The following ERC1 variants were observed in gnomAD, a reference collection of about 807,000 sequenced individuals.
ERC1 encodes RAB6 interacting protein 2.
In ERC1, 56 loss-of-function variants were observed where a neutral mutation model predicts 132.0. The observed-to-expected ratio is 0.42, with a 90% CI of 0.34 to 0.53. ERC1 has a LOEUF of 0.53. Among genes scored for constraint, ERC1 ranks in the 20% least tolerant of loss-of-function variants. ERC1 has a pLI of 0.03. For synonymous variants in ERC1, 478 were observed against 476.1 expected (o/e 1.00, Z -0.05); for missense variants, 1,202 against 1,349.9 (o/e 0.89, Z 1.72).
intron 2 of ERC1, among the ~76,000 whole-genome samples, chr12:1,076,731 A>G (rs1450934370): frequency 1.3e-5 from 2 of 152,206 alleles, no homozygotes; most frequent in Non-Finnish European, 2.9e-5. Flanking sequence ...AGGAAGAGGT[A>G]TAACTTCCCA....
intron 14 of ERC1, among the ~76,000 whole-genome samples, chr12:1,270,365 G>A (rs553608353): frequency 4.6e-5 from 7 of 151,982 alleles, no homozygotes; most frequent in African/African-American, 7.3e-5. Context: ...CCACCACCAC[G>A]CCTGGCTAAT....
In ERC1 at chr12:1,141,801, G is replaced by T. The variant is rs1593651502; in HGVS notation, c.1737+14G>T. 1 of 1,545,050 alleles carries T rather than the reference G, an allele frequency of 6.5e-7. No individual in the cohort carries two copies. Among genetic ancestry groups the T allele is most frequent in the East Asian group, 2.3e-5 (1 of 42,600 alleles). On this transcript the variant is annotated intron_variant, in intron 8 of 18. Transcript: ENST00000360905. ...CTTCAGAAGAAGGTAAGGTACAGGT[G>T]TTTCGAGTTCAGTGGCCCATTCCTC...
At chr12:1,144,334 G>A (rs773399163) in intron 8 of ERC1, among the ~76,000 whole-genome samples, 1 of 152,088 alleles carries the variant, frequency 6.6e-6, no homozygotes, top group African/African-American at 2.4e-5. Flanking sequence ...TGGTTTTTGA[G>A]ATGTTGGTGC....
intron 18 of ERC1, among the ~76,000 whole-genome samples, chr12:1,473,650 G>A (rs1592271139): frequency 1.4e-5 from 2 of 141,376 alleles, no homozygotes; most frequent in East Asian, 2.2e-4. Flanking sequence ...AAAAAAAAAA[G>A]GACAGGGAGG....
At chr12:1,068,338 G>A (rs1300755168) in intron 2 of ERC1, among the ~76,000 whole-genome samples, 2 of 149,586 alleles carry the variant, frequency 1.3e-5, no homozygotes, top group Non-Finnish European at 3.0e-5. Flanking sequence ...GTACACTAAG[G>A]TGCCAAAATT....
chr12:1,487,725 TAGAA>T (rs1241651529), intron 18 of ERC1, among the ~76,000 whole-genome samples: 4 of 127,742 alleles, frequency 3.1e-5, no homozygotes, highest in African/African-American at 9.1e-5. Context: ...CTCAAATTAA[TAGAA>T]AGAGAGAGAG....
At chr12:1,127,279 T>G (rs1306807435) in intron 7 of ERC1, among the ~76,000 whole-genome samples, 1 of 152,200 alleles carries the variant, frequency 6.6e-6, no homozygotes, top group Non-Finnish European at 1.5e-5. Context: ...ATCCCATTCC[T>G]TGGTATATTT....
At chr12:1,182,135 A>G (rs1954547999) in intron 10 of ERC1, 70 bp downstream of exon 10, 2 of 1,404,082 alleles carry the variant, frequency 1.4e-6, no homozygotes, top group African/African-American at 2.9e-5. Flanking sequence ...TGGTGTTTAC[A>G]TAATGCATAT....
In ERC1 at chr12:1,146,776, C is replaced by T. The variant is rs1249217343; in HGVS notation, c.1737+4989C>T. Among the ~76,000 whole-genome samples the T allele has an allele frequency of 1.6e-4, 11 of 66,678 alleles. No homozygotes were observed. In the East Asian group the frequency reaches 2.5e-3, roughly 15 times the overall value. The allele number at this position is 66,678 out of a possible 152,430, so 43.7% of individuals were successfully genotyped here. ...TCTCCTAATGCTATCCCTCCCCCAACCCCCACCCCACAACAGTCCCCGGAG... is the reference window on the plus strand; with the variant it reads ...TCTCCTAATGCTATCCCTCCCCCAATCCCCACCCCACAACAGTCCCCGGAG... On this transcript the variant is annotated intron_variant, in intron 8 of 18. Coordinates refer to ENST00000360905, the MANE Select transcript of ERC1 (RefSeq NM_178040.4).
intron 16 of ERC1, among the ~76,000 whole-genome samples, chr12:1,387,188 T>C (rs1353241622): frequency 1.3e-5 from 2 of 151,946 alleles, no homozygotes; most frequent in Admixed American, 6.6e-5. Context: ...GTCTCCCTCA[T>C]ACCCAACTCA....
At chr12:1,150,530 T>A (rs111476291) in intron 8 of ERC1, among the ~76,000 whole-genome samples, 3,788 of 152,328 alleles carry the variant, frequency 0.025, 62 homozygotes, top group Middle Eastern at 0.086. Context: ...ATCATGATAT[T>A]TCAGGCTTTT....
At chr12:1,173,302 C>T (rs1038868321) in intron 8 of ERC1, among the ~76,000 whole-genome samples, 4 of 152,132 alleles carry the variant, frequency 2.6e-5, no homozygotes, top group Non-Finnish European at 4.4e-5. Flanking sequence ...ATATAAAGTC[C>T]TTGCATCAGT....
intron 8 of ERC1, among the ~76,000 whole-genome samples, chr12:1,143,080 A>G (rs909714984): frequency 1.3e-5 from 2 of 152,058 alleles, no homozygotes; most frequent in Non-Finnish European, 2.9e-5. Flanking sequence ...TTGTATTTTT[A>G]GTAGAAACGG....
At chr12:1,121,687 A>G (rs1427576465) in intron 7 of ERC1, among the ~76,000 whole-genome samples, 54 of 60,398 alleles carry the variant, frequency 8.9e-4, no homozygotes, top group South Asian at 3.4e-3. Context: ...ATCTATCTCT[A>G]TCTCTATCTC....
In ERC1 at chr12:1,002,292, G is replaced by A. The variant is rs1344308126; in HGVS notation, c.-157+10970G>A. On this transcript the variant is annotated intron_variant, in intron 1 of 18. Coordinates refer to ENST00000360905, the MANE Select transcript of ERC1 (RefSeq NM_178040.4). ...GGGCTCAAGTGATCCTCCCACCTCGGCCTCCCAAGTAACTGGGACTACAGG... is the reference window on the plus strand; with the variant it reads ...GGGCTCAAGTGATCCTCCCACCTCGACCTCCCAAGTAACTGGGACTACAGG... Among the ~76,000 whole-genome samples, 3 of 144,112 alleles carry A rather than the reference G, an allele frequency of 2.1e-5. No individual in the cohort carries two copies. In the East Asian group the frequency reaches 6.4e-4, roughly 31 times the overall value. The allele number at this position is 144,112 out of a possible 152,430, so 94.5% of individuals were successfully genotyped here.
At chr12:1,382,178 A>G (rs1179105505) in intron 16 of ERC1, among the ~76,000 whole-genome samples, 1 of 152,262 alleles carries the variant, frequency 6.6e-6, no homozygotes, top group Non-Finnish European at 1.5e-5. Context: ...CTTGAACGTA[A>G]TAACACCATC....
At chr12:1,304,482 C>G (rs1384935706) in intron 15 of ERC1, among the ~76,000 whole-genome samples, 1 of 152,202 alleles carries the variant, frequency 6.6e-6, no homozygotes, top group African/African-American at 2.4e-5. Flanking sequence ...GCACCTACCT[C>G]TGAGGTTTAG....
chr12:1,485,239 C>G (rs188194442), intron 18 of ERC1, among the ~76,000 whole-genome samples: 1 of 133,032 alleles, frequency 7.5e-6, no homozygotes, highest in African/African-American at 2.9e-5. Flanking sequence ...GAGTCTCGCT[C>G]TGTCACCCAG....
At chr12:1,006,852 T>C (rs529726789) in intron 1 of ERC1, among the ~76,000 whole-genome samples, 67 of 152,126 alleles carry the variant, frequency 4.4e-4, no homozygotes, top group African/African-American at 1.3e-3. Flanking sequence ...TTCATTTTTA[T>C]AGTTGTTCAA....
Sources: gnomAD v4.1 joint callset for allele counts (sites outside exome capture counted in the v4.1 genomes callset) on GRCh38, gnomAD v4.1.1 for gene constraint, MANE v1.5 for transcripts, NCBI Gene and HGNC (gene_info 2026-07-23, HGNC 2026-07-21) for gene names.